The following DLG2 variants were observed in gnomAD, a reference collection of about 807,000 sequenced individuals.
DLG2 encodes discs large MAGUK scaffold protein 2.
DLG2 carries 45 observed loss-of-function variants against 132.5 expected under a neutral mutation model. The observed-to-expected ratio is 0.34, with a 90% CI of 0.27 to 0.44. The LOEUF is 0.44. Among genes scored for constraint, DLG2 ranks in the 20% least tolerant of loss-of-function variants. The pLI is 1.00. For synonymous variants in DLG2, 424 were observed against 419.6 expected, an observed-to-expected ratio of 1.01 and a Z score of -0.13; for missense variants, 1,045 against 1,196.9, an observed-to-expected ratio of 0.87 and a Z score of 1.87.
At chr11:84,956,023 A>T (rs2154105733) in intron 6 of DLG2, among the ~76,000 whole-genome samples, 1 of 152,290 alleles carries the variant, frequency 6.6e-6, no homozygotes, top group East Asian at 1.9e-4. Context: ...CAGCAGAATA[A>T]GGGCCGGCAA....
At chr11:85,164,079 A>G (rs976120360) in intron 4 of DLG2, among the ~76,000 whole-genome samples, 1 of 152,134 alleles carries the variant, frequency 6.6e-6, no homozygotes, top group African/African-American at 2.4e-5. Context: ...AGGTGAGGGG[A>G]AGAAATGTAT....
intron 5 of DLG2, among the ~76,000 whole-genome samples, chr11:85,131,856 T>C (rs2075738749): frequency 6.6e-6 from 1 of 152,182 alleles, no homozygotes; most frequent in Non-Finnish European, 1.5e-5. Context: ...TCTCATGTAC[T>C]AAGCTATTAA....
chr11:84,631,510 TCAC>T (rs1197296656), intron 6 of DLG2, among the ~76,000 whole-genome samples: 13 of 152,098 alleles, frequency 8.5e-5, no homozygotes, highest in Non-Finnish European at 1.6e-4. Context: ...TGTCAAATTG[TCAC>T]AACAATAAAG....
intron 18 of DLG2, among the ~76,000 whole-genome samples, chr11:83,705,167 GCT>G (rs2083694276): frequency 6.6e-6 from 1 of 152,158 alleles, no homozygotes. Context: ...ATTAGCTGCA[GCT>G]CTGTTTCCTC....
chr11:84,675,674 A>G (rs1201170591), intron 6 of DLG2, among the ~76,000 whole-genome samples: 4 of 152,032 alleles, frequency 2.6e-5, no homozygotes, highest in African/African-American at 9.7e-5. Flanking sequence ...GTTGAAATTC[A>G]CTAGATAACT....
Position 84,710,104 on chromosome 11 carries a change from G to A in DLG2, c.358-175373C>T, listed in dbSNP as rs189636220. 2.2e-4 allele frequency among the ~76,000 whole-genome samples: 33 copies of A among 151,936 alleles called. No individual in the cohort carries two copies. The East Asian group carries it at 3.9e-3, about 18-fold the overall frequency. ...AATTAATAACTTCCAAATGAATAGC[G>A]TATAGATTAATTTTGAATAGCATAT... On this transcript the variant is annotated intron_variant, in intron 6 of 27. Coordinates refer to ENST00000376104, the MANE Select transcript of DLG2 (RefSeq NM_001142699.3).
chr11:84,820,755 C>T (rs550198410), intron 6 of DLG2, among the ~76,000 whole-genome samples: 1 of 151,774 alleles, frequency 6.6e-6, no homozygotes, highest in East Asian at 2.0e-4. Context: ...AGCCGAGCCC[C>T]ACTCTTCTGT....
At chr11:83,774,320 A>C (rs1027316845) in intron 18 of DLG2, among the ~76,000 whole-genome samples, 4 of 152,164 alleles carry the variant, frequency 2.6e-5, no homozygotes, top group African/African-American at 9.7e-5. Context: ...GTTGTTTCTG[A>C]TAATTATGAT....
intron 3 of DLG2, among the ~76,000 whole-genome samples, chr11:85,381,401 T>C (rs1385745414): frequency 2.0e-5 from 3 of 152,174 alleles, no homozygotes; most frequent in Non-Finnish European, 4.4e-5. Flanking sequence ...TCATACTTAA[T>C]GGTGAAAGAC....
intron 18 of DLG2, among the ~76,000 whole-genome samples, chr11:83,709,604 G>C (rs2084916220): frequency 6.6e-6 from 1 of 152,114 alleles, no homozygotes; most frequent in African/African-American, 2.4e-5. Flanking sequence ...TGGCAAGTAA[G>C]AAGTTTAATT....
chr11:84,030,431 T>C (rs973836395), intron 11 of DLG2, among the ~76,000 whole-genome samples: 14 of 152,134 alleles, frequency 9.2e-5, no homozygotes, highest in Admixed American at 2.6e-4. Context: ...GAAAAGAAGA[T>C]CTCAAACTTG....
At chr11:84,090,068 T>C (rs1023927169) in intron 10 of DLG2, among the ~76,000 whole-genome samples, 1 of 152,150 alleles carries the variant, frequency 6.6e-6, no homozygotes, top group Admixed American at 6.5e-5. Context: ...TGGATGTATA[T>C]CTATTTTGCT....
At chr11:83,643,449 G>T (rs538157544) in intron 18 of DLG2, among the ~76,000 whole-genome samples, 4 of 152,252 alleles carry the variant, frequency 2.6e-5, no homozygotes, top group African/African-American at 9.6e-5. Flanking sequence ...TATAGCTAAT[G>T]GTGCATCAGA....
intron 9 of DLG2, among the ~76,000 whole-genome samples, chr11:84,124,847 C>CTTTTTTTTTTT (rs34177526): frequency 8.2e-6 from 1 of 121,230 alleles, no homozygotes. Context: ...CTTGTTTTCA[C>CTTTTTTTTTTT]TTTTTTTTTT....
intron 7 of DLG2, among the ~76,000 whole-genome samples, chr11:84,315,429 A>G (rs754227133): frequency 1.3e-5 from 2 of 152,184 alleles, no homozygotes; most frequent in Non-Finnish European, 2.9e-5. Flanking sequence ...GCTAGATGCT[A>G]TTAAGTAGGC....
chr11:85,466,613 T>C (rs552197178), intron 3 of DLG2, among the ~76,000 whole-genome samples: 13 of 152,276 alleles, frequency 8.5e-5, no homozygotes, highest in Admixed American at 7.8e-4. Flanking sequence ...AAAGATCAGA[T>C]CGTTGTAGAT....
intron 18 of DLG2, among the ~76,000 whole-genome samples, chr11:83,633,897 T>C (rs1189728712): frequency 6.6e-6 from 1 of 151,742 alleles, no homozygotes; most frequent in Non-Finnish European, 1.5e-5. Context: ...GTAAAATAGT[T>C]ATTTCTTACA....
intron 6 of DLG2, among the ~76,000 whole-genome samples, chr11:85,070,797 T>A (rs911707750): frequency 6.6e-6 from 1 of 151,946 alleles, no homozygotes; most frequent in East Asian, 1.9e-4. Flanking sequence ...GCCCAAGCCA[T>A]CTTCTTTGTT....
intron 10 of DLG2, among the ~76,000 whole-genome samples, chr11:84,097,956 C>T (rs982270031): frequency 2.0e-5 from 3 of 151,472 alleles, no homozygotes; most frequent in African/African-American, 7.3e-5. Context: ...GAAAGTAGCC[C>T]AGCTCAAGCA....
Sources: allele counts gnomAD v4.1 joint callset (sites outside exome capture counted in the v4.1 genomes callset), GRCh38; gene constraint gnomAD v4.1.1; transcripts MANE v1.5; gene names NCBI Gene and HGNC (gene_info 2026-07-23, HGNC 2026-07-21).